Variants in JAKMIP2 observed in about 807,000 individuals in gnomAD.
The protein encoded by JAKMIP2 is janus kinase and microtubule interacting protein 2.
A neutral mutation model predicts 115.0 loss-of-function variants in JAKMIP2; 25 were observed. The observed-to-expected ratio is 0.22, with a 90% CI of 0.16 to 0.30. The LOEUF is 0.30. Ranked by LOEUF, JAKMIP2 falls within the 10% of genes least tolerant of loss-of-function variation. The pLI is 1.00. For synonymous variants in JAKMIP2, 334 were observed against 343.6 expected, an observed-to-expected ratio of 0.97 and a Z score of 0.31; for missense variants, 642 against 957.6, an observed-to-expected ratio of 0.67 and a Z score of 4.35.
chr5:147,714,972 T>C (rs1455174797), intron 1 of JAKMIP2, among the ~76,000 whole-genome samples: 1 of 152,130 alleles, frequency 6.6e-6, no homozygotes, highest in African/African-American at 2.4e-5. Context: ...TAAAAGAACA[T>C]GGATTATTAA....
intron 20 of JAKMIP2, among the ~76,000 whole-genome samples, chr5:147,611,891 T>G (rs944671647): frequency 1.3e-5 from 2 of 152,190 alleles, no homozygotes; most frequent in Non-Finnish European, 2.9e-5. Context: ...TTTCTGAATT[T>G]ACTGTTAAGG....
chr5:147,772,420 T>A (rs2127077731), intron 1 of JAKMIP2, among the ~76,000 whole-genome samples: 1 of 147,042 alleles, frequency 6.8e-6, no homozygotes, highest in Non-Finnish European at 1.5e-5. Flanking sequence ...ACAATAAATA[T>A]CAATTATGAG....
At chr5:147,769,327 G>A (rs147455574) in intron 1 of JAKMIP2, among the ~76,000 whole-genome samples, 292 of 152,204 alleles carry the variant, frequency 1.9e-3, no homozygotes, top group African/African-American at 6.5e-3. Context: ...CGGAGAGGGC[G>A]GCAAAAGTGT....
intron 21 of JAKMIP2, chr5:147,594,297 G>T (rs566079467): frequency 1.3e-4 from 39 of 297,230 alleles, no homozygotes; most frequent in Non-Finnish European, 2.3e-4. Flanking sequence ...AACAGCAATT[G>T]CCACTATCAT....
At position 147,591,290 on chromosome 5, in the gene JAKMIP2, T is replaced by G. The variant is rs1212354955; in HGVS notation, c.*417A>C. ...TCAGGACTAGTGTTTCCATGGGGTG[T>G]GGTGTTACATTAAAATGACCCCCCT... On this transcript the variant is annotated 3_prime_UTR_variant, in exon 22 of 22. Transcript: ENST00000616793. 1 of 199,392 alleles carries G rather than the reference T, an allele frequency of 5.0e-6. No homozygotes were observed. The highest frequency in any genetic ancestry group is 1.0e-5 in the Non-Finnish European group (1 of 100,186). 12.4% of individuals were successfully genotyped at this position (199,392 alleles called of 1,614,324 possible).
At chr5:147,767,098 C>A (rs1258944425) in intron 1 of JAKMIP2, among the ~76,000 whole-genome samples, 2 of 152,074 alleles carry the variant, frequency 1.3e-5, no homozygotes, top group African/African-American at 4.8e-5. Context: ...GTTAGCCTGG[C>A]AGCATACCAC....
At chr5:147,767,727 A>G (rs1368724281) in intron 1 of JAKMIP2, among the ~76,000 whole-genome samples, 1 of 152,146 alleles carries the variant, frequency 6.6e-6, no homozygotes, top group African/African-American at 2.4e-5. Context: ...TTTCTCATGC[A>G]TATGCCCTCA....
At chr5:147,608,469 T>C (rs1334876628) in intron 20 of JAKMIP2, among the ~76,000 whole-genome samples, 1 of 152,228 alleles carries the variant, frequency 6.6e-6, no homozygotes. Context: ...TCGGTTTCCA[T>C]GTAGTTGTGT....
At chr5:147,707,161 G>A (rs17107227) in intron 1 of JAKMIP2, among the ~76,000 whole-genome samples, 12,116 of 152,128 alleles carry the variant, frequency 0.08, 846 homozygotes, top group East Asian at 0.34. Context: ...GGACAGAAAT[G>A]AACACGTGCT....
At chr5:147,660,892 T>C (rs1758920624) in intron 3 of JAKMIP2, 56 bp downstream of exon 3, 1 of 1,575,808 alleles carries the variant, frequency 6.3e-7, no homozygotes. Context: ...CCCACAGCGC[T>C]CTGAAACCTG....
intron 1 of JAKMIP2, among the ~76,000 whole-genome samples, chr5:147,702,602 AG>A (rs1752390959): frequency 1.8e-5 from 2 of 114,190 alleles, no homozygotes; most frequent in Non-Finnish European, 3.5e-5. Context: ...GAAAGAAAGA[AG>A]GAAAGAAAGA....
In JAKMIP2 at chr5:147,586,361, T is replaced by C. The variant is rs1259766613; in HGVS notation, c.*5346A>G. ...TCTGCCTCATTGTGGGAAGTTGCTA[T>C]GGTTAATGGCTGGTATAGGCACAGT... On this transcript the variant is annotated 3_prime_UTR_variant, in exon 22 of 22. Coordinates refer to ENST00000616793, the MANE Select transcript of JAKMIP2 (RefSeq NM_001270941.2). The C allele has an allele frequency of 6.6e-6, 1 of 152,204 alleles. No individual in the cohort carries two copies. The highest frequency in any genetic ancestry group is 1.5e-5 in the Non-Finnish European group (1 of 68,068). The allele number at this position is 152,204 out of a possible 1,614,324, so 9.4% of individuals were successfully genotyped here.
intron 1 of JAKMIP2, among the ~76,000 whole-genome samples, chr5:147,773,647 T>C (rs916182871): frequency 2.6e-5 from 4 of 152,080 alleles, no homozygotes; most frequent in Admixed American, 2.0e-4. Flanking sequence ...TTAAACAGTA[T>C]ATATGTAGTC....
intron 1 of JAKMIP2, among the ~76,000 whole-genome samples, chr5:147,773,196 T>G (rs1323334273): frequency 6.6e-6 from 1 of 152,120 alleles, no homozygotes; most frequent in Non-Finnish European, 1.5e-5. Flanking sequence ...ATTTTCAAAT[T>G]TACCTAGGGG....
chr5:147,627,243 G>T (rs943806000), intron 16 of JAKMIP2, among the ~76,000 whole-genome samples: 1 of 152,142 alleles, frequency 6.6e-6, no homozygotes, highest in African/African-American at 2.4e-5. Flanking sequence ...GGAACATAGA[G>T]CAGGAACACC....
chr5:147,759,909 C>T (rs997520633), intron 1 of JAKMIP2, among the ~76,000 whole-genome samples: 1 of 151,862 alleles, frequency 6.6e-6, no homozygotes, highest in Non-Finnish European at 1.5e-5. Context: ...GTAGTTCAGG[C>T]AGGGGAAGAT....
At chr5:147,768,063 C>A (rs949969623) in intron 1 of JAKMIP2, among the ~76,000 whole-genome samples, 2 of 152,024 alleles carry the variant, frequency 1.3e-5, no homozygotes, top group African/African-American at 4.8e-5. Context: ...GTTACAAAAC[C>A]CCTACACACA....
At chr5:147,765,240 T>C (rs1006969499) in intron 1 of JAKMIP2, among the ~76,000 whole-genome samples, 11 of 152,182 alleles carry the variant, frequency 7.2e-5, no homozygotes, top group Middle Eastern at 6.8e-3. Context: ...TCTGGGAATA[T>C]AAACCAATTG....
intron 20 of JAKMIP2, 47 bp downstream of exon 20, chr5:147,612,259 T>C (rs1161017088): frequency 3.2e-6 from 4 of 1,242,086 alleles, no homozygotes; most frequent in East Asian, 4.6e-5. Flanking sequence ...TCAATATTGC[T>C]TTCTGATTAA....
Sources: gnomAD v4.1 joint callset for allele counts (sites outside exome capture counted in the v4.1 genomes callset) on GRCh38, gnomAD v4.1.1 for gene constraint, MANE v1.5 for transcripts, NCBI Gene and HGNC (gene_info 2026-07-23, HGNC 2026-07-21) for gene names.